Variants in FBP2 observed in about 807,000 individuals in gnomAD.
FBP2 encodes the protein fructose-bisphosphatase 2.
A neutral mutation model predicts 31.6 loss-of-function variants in FBP2; 27 were observed. That is an observed-to-expected ratio of 0.85 (90% CI 0.63 to 1.18). The LOEUF (loss-of-function observed/expected upper bound fraction) is 1.18. FBP2 is among the 50% of genes most tolerant of loss of function. FBP2 has a pLI of 0.00. For missense variants in FBP2, 421 were observed against 436.1 expected (o/e 0.97, Z 0.31); for synonymous variants, 168 against 179.8 (o/e 0.93, Z 0.53).
Position 94,584,621 on chromosome 9 carries a change from C to G in FBP2, c.382G>C (p.Asp128His). The part of the protein sequence containing the change: ...FDPLDGSSNI[D>H]CLASIGTIFA... Reference sequence around the variant, plus strand: ...ATGGTTCCGATGGAGGCCAGGCAGTCAATATTGGAAGATCCATCCAGTGGG... The same window carrying G: ...ATGGTTCCGATGGAGGCCAGGCAGTGAATATTGGAAGATCCATCCAGTGGG... The change falls in exon 3 of 7, where the codon GAC becomes CAC. Residue 128 changes from aspartate (D) to histidine (H), a missense_variant. Asp to His is a moderately conservative substitution (Grantham distance 81, BLOSUM62 -1). Coordinates refer to ENST00000375337, the MANE Select transcript of FBP2 (RefSeq NM_003837.4). 5.6e-6 allele frequency: 9 copies of G among 1,613,962 alleles called. No homozygotes were observed. Among genetic ancestry groups the G allele is most frequent in the Non-Finnish European group, 7.6e-6 (9 of 1,179,874 alleles).
intron 5 of FBP2, among the ~76,000 whole-genome samples, chr9:94,566,218 TAA>T (rs1228934756): frequency 1.3e-5 from 2 of 152,166 alleles, no homozygotes; most frequent in Non-Finnish European, 2.9e-5. Flanking sequence ...AACCTGGCCA[TAA>T]ACTGGCCCCA....
chr9:94,591,055 C>A (rs1037457662), intron 1 of FBP2, among the ~76,000 whole-genome samples: 12 of 152,270 alleles, frequency 7.9e-5, no homozygotes, highest in Non-Finnish European at 1.3e-4. Context: ...ACGTCCCCAC[C>A]AGACTCAGGA....
At chr9:94,562,945 T>TAA (rs1299064564) in intron 6 of FBP2, among the ~76,000 whole-genome samples, 1 of 152,180 alleles carries the variant, frequency 6.6e-6, no homozygotes. Flanking sequence ...AATGTGTACG[T>TAA]TTACATGCAT....
chr9:94,568,877 C>G (rs1827232639), intron 4 of FBP2: 1 of 152,132 alleles, frequency 6.6e-6, no homozygotes, highest in South Asian at 2.1e-4. Context: ...CCAGACTGAC[C>G]CTCTCTTCCT....
At chr9:94,564,498 T>C (rs1349177717) in intron 5 of FBP2, among the ~76,000 whole-genome samples, 4 of 152,230 alleles carry the variant, frequency 2.6e-5, no homozygotes, top group Admixed American at 2.0e-4. Context: ...AATGAGATCA[T>C]GTTTTTGCAG....
intron 5 of FBP2, among the ~76,000 whole-genome samples, chr9:94,565,546 A>G (rs1827173397): frequency 6.6e-6 from 1 of 152,122 alleles, no homozygotes; most frequent in Non-Finnish European, 1.5e-5. Flanking sequence ...ATTTAAATAC[A>G]GAAAGAATCT....
At chr9:94,584,549 G>T in intron 3 of FBP2, 28 bp downstream of exon 3, 1 of 1,371,496 alleles carries the variant, frequency 7.3e-7, no homozygotes, top group Non-Finnish European at 1.0e-6. Flanking sequence ...ACAGGAAGGA[G>T]GTGTAAAATG....
intron 3 of FBP2, 40 bp from the exon 4 acceptor site, chr9:94,571,642 C>A: frequency 6.4e-7 from 1 of 1,563,458 alleles, no homozygotes; most frequent in Non-Finnish European, 8.7e-7. Flanking sequence ...TTATTGTTGT[C>A]TCTGGAGAGA....
Position 94,559,098 on chromosome 9 carries a change from T to C in FBP2, c.860A>G (p.Tyr287Cys), listed in dbSNP as rs1375887921. ...RLLYECNPVAYIIEQAGGLAT... is the reference protein window; with the variant it reads ...RLLYECNPVACIIEQAGGLAT... ...CAAGCCTCCTGCCTGCTCAATGATG[T>C]AGGCCACGGGATTGCATTCATACAG... The change falls in exon 7 of 7, where the codon TAC (tyrosine) becomes TGC (cysteine). Residue 287 changes from tyrosine to cysteine, a missense_variant. Physicochemically the swap from Tyr to Cys is radical, Grantham distance 194. Coordinates refer to ENST00000375337, the MANE Select transcript of FBP2 (RefSeq NM_003837.4). 6.2e-7 allele frequency: 1 copy of C among 1,613,714 alleles called. No homozygotes were observed. Among genetic ancestry groups the C allele is most frequent in the Non-Finnish European group, 8.5e-7 (1 of 1,179,962 alleles).
At chr9:94,562,059 C>T (rs1827113858) in intron 6 of FBP2, among the ~76,000 whole-genome samples, 1 of 152,216 alleles carries the variant, frequency 6.6e-6, no homozygotes, top group Non-Finnish European at 1.5e-5. Context: ...TACCTGTAAT[C>T]CCAGCACTTT....
chr9:94,573,101 G>T lies in FBP2; in HGVS notation c.427-1499C>A, dbSNP rs966177962. Reference sequence around the variant, plus strand: ...TTATTGTGCTGGCTACAACTTTCAGGATTACATATGTTGGGTAACAGTGGC... The same window carrying T: ...TTATTGTGCTGGCTACAACTTTCAGTATTACATATGTTGGGTAACAGTGGC... On this transcript the variant is annotated intron_variant, in intron 3 of 6. Coordinates refer to ENST00000375337, the MANE Select transcript of FBP2 (RefSeq NM_003837.4). 3.3e-5 allele frequency: 5 copies of T among 152,136 alleles called. No homozygotes were observed. The South Asian group carries it at 8.3e-4, about 25-fold the overall frequency. The allele number at this position is 152,136 out of a possible 1,614,324, so 9.4% of individuals were successfully genotyped here. A position where few individuals can be genotyped will look rare whatever the true frequency, so the allele number is the denominator to read the frequency against.
intron 3 of FBP2, chr9:94,573,021 G>T (rs1827284737): frequency 6.6e-6 from 1 of 152,108 alleles, no homozygotes; most frequent in Non-Finnish European, 1.5e-5. Flanking sequence ...TCGTCTGCAA[G>T]AACAGTGTTA....
Position 94,593,712 on chromosome 9 carries a change from G to T in FBP2, c.15C>A (p.Ser5Arg). The part of the protein sequence containing the change: MTDR[S>R]PFETDMLTLT... ...GGGTGAGCATGTCGGTTTCGAAGGG[G>T]CTTCTGTCCGTCATTTTGGCTGGAA... The change falls in exon 1 of 7, where the codon AGC becomes AGA. Residue 5 changes from serine to arginine, a missense_variant. Physicochemically the swap from Ser to Arg is moderately radical, Grantham distance 110 (BLOSUM62 -1). Coordinates refer to ENST00000375337, the MANE Select transcript of FBP2 (RefSeq NM_003837.4). 1.2e-6 allele frequency: 2 copies of T among 1,614,146 alleles called. No individual in the cohort carries two copies. Among genetic ancestry groups the T allele is most frequent in the Non-Finnish European group, 1.7e-6 (2 of 1,180,008 alleles).
rs558684170 is a variant in FBP2, at chr9:94,579,929, T to C, written c.426+4648A>G. On this transcript the variant is annotated intron_variant, in intron 3 of 6. Transcript: ENST00000375337. ...TACATTATTACTTGATTCTGTACTT[T>C]CCTTGATATGTCTAAATTTGTCAAT... Among the ~76,000 whole-genome samples the C allele has an allele frequency of 8.5e-5, 13 of 152,352 alleles. No individual in the cohort carries two copies. In the East Asian group the frequency reaches 2.5e-3, roughly 29 times the overall value.
intron 2 of FBP2, among the ~76,000 whole-genome samples, chr9:94,585,097 G>A (rs1312416835): frequency 2.6e-5 from 4 of 151,990 alleles, no homozygotes; most frequent in Non-Finnish European, 4.4e-5. Flanking sequence ...GAGAAATGAG[G>A]GTCATTTCTC....
chr9:94,581,602 A>G (rs1827373235), intron 3 of FBP2, among the ~76,000 whole-genome samples: 2 of 152,124 alleles, frequency 1.3e-5, no homozygotes, highest in South Asian at 4.2e-4. Flanking sequence ...AGGTAACCAT[A>G]CCACCCCAGC....
At chr9:94,589,641 C>T (rs7866650) in intron 1 of FBP2, among the ~76,000 whole-genome samples, 3,515 of 152,290 alleles carry the variant, frequency 0.023, 132 homozygotes, top group African/African-American at 0.079. Flanking sequence ...GTGGTTCTAA[C>T]AGGTAGCCAG....
chr9:94,578,986 G>A (rs1827345207), intron 3 of FBP2, among the ~76,000 whole-genome samples: 1 of 140,994 alleles, frequency 7.1e-6, no homozygotes, highest in Non-Finnish European at 1.5e-5. Context: ...CCGGAAGGCG[G>A]AGCTTGCAGT....
intron 1 of FBP2, among the ~76,000 whole-genome samples, chr9:94,590,526 G>A (rs1231737955): frequency 6.6e-6 from 1 of 152,100 alleles, no homozygotes; most frequent in Non-Finnish European, 1.5e-5. Flanking sequence ...GCGGACCCTC[G>A]CGGTGAGTGT....
Sources: allele counts gnomAD v4.1 joint callset (sites outside exome capture counted in the v4.1 genomes callset), GRCh38; gene constraint gnomAD v4.1.1; transcripts MANE v1.5; gene names NCBI Gene and HGNC (gene_info 2026-07-23, HGNC 2026-07-21).